The following B3GALT1 variants were observed in gnomAD, a reference collection of about 807,000 sequenced individuals.
B3GALT1 encodes UDP-Gal:betaGlcNAc beta 1,3-galactosyltransferase, polypeptide 1.
A neutral mutation model predicts 23.2 loss-of-function variants in B3GALT1; 10 were observed. That is an observed-to-expected ratio of 0.43 (90% CI 0.27 to 0.73). B3GALT1 has a LOEUF of 0.73. Ranked by LOEUF, B3GALT1 falls within the 30% of genes least tolerant of loss-of-function variation. B3GALT1 has a pLI of 0.21. For missense variants in B3GALT1, 299 were observed against 405.4 expected (o/e 0.74, Z 2.25); for synonymous variants, 156 against 141.5 (o/e 1.10, Z -0.73).
At position 167,467,831 on chromosome 2, in the gene B3GALT1, TATTC is replaced by T. The variant is rs201530512; in HGVS notation, c.-510-22332_-510-22329del. The stretch of plus-strand genomic sequence containing the variant: ...AGATTAATGTATTCATTGATTCATT[TATTC>T]ATTCATTCATTCAAAAATATATATT... On this transcript the variant is annotated intron_variant, in intron 1 of 4. Coordinates refer to ENST00000392690, the MANE Select transcript of B3GALT1 (RefSeq NM_020981.4). 3.6e-3 allele frequency among the ~76,000 whole-genome samples: 556 copies of T among 152,338 alleles called. 5 individuals are homozygous for T. Among genetic ancestry groups the T allele is most frequent in the South Asian group, 0.014 (68 of 4,830 alleles).
chr2:167,648,577 A>G (rs1685797903), intron 3 of B3GALT1, among the ~76,000 whole-genome samples: 1 of 152,144 alleles, frequency 6.6e-6, no homozygotes, highest in Admixed American at 6.6e-5. Flanking sequence ...TCTTGTGTTC[A>G]GATAAAATTA....
chr2:167,593,546 T>A (rs1684720355), intron 2 of B3GALT1, among the ~76,000 whole-genome samples: 1 of 152,210 alleles, frequency 6.6e-6, no homozygotes, highest in Non-Finnish European at 1.5e-5. Context: ...GTCAAATGAT[T>A]TCAGTTTTAT....
At chr2:167,501,137 T>C (rs1032439944) in intron 2 of B3GALT1, among the ~76,000 whole-genome samples, 2 of 152,072 alleles carry the variant, frequency 1.3e-5, no homozygotes, top group African/African-American at 4.8e-5. Flanking sequence ...TAACTAACCG[T>C]ATAAGATGTT....
chr2:167,357,798 T>G (rs1046793315), intron 1 of B3GALT1, among the ~76,000 whole-genome samples: 1 of 152,184 alleles, frequency 6.6e-6, no homozygotes, highest in African/African-American at 2.4e-5. Context: ...TTGGACACAG[T>G]TCATAGCTTT....
At chr2:167,401,493 A>G (rs1440914497) in intron 1 of B3GALT1, among the ~76,000 whole-genome samples, 1 of 152,004 alleles carries the variant, frequency 6.6e-6, no homozygotes. Context: ...CCTACAGTGT[A>G]ATATACAGGC....
At chr2:167,851,864 G>C (rs151001357) in intron 4 of B3GALT1, among the ~76,000 whole-genome samples, 1 of 152,140 alleles carries the variant, frequency 6.6e-6, no homozygotes, top group Non-Finnish European at 1.5e-5. Flanking sequence ...GGGGAGACAC[G>C]GAGCACATTA....
intron 1 of B3GALT1, among the ~76,000 whole-genome samples, chr2:167,447,705 T>C (rs1699022314): frequency 6.6e-6 from 1 of 152,072 alleles, no homozygotes. Flanking sequence ...GCTAAGACCA[T>C]TGGAAAAGCA....
intron 3 of B3GALT1, among the ~76,000 whole-genome samples, chr2:167,752,570 C>T (rs891276091): frequency 1.4e-5 from 2 of 144,906 alleles, no homozygotes; most frequent in African/African-American, 5.1e-5. Flanking sequence ...ATAATAGCAT[C>T]CTCCCCCCCG....
At chr2:167,453,939 CT>C (rs1278043452) in intron 1 of B3GALT1, among the ~76,000 whole-genome samples, 7 of 152,242 alleles carry the variant, frequency 4.6e-5, no homozygotes, top group African/African-American at 1.7e-4. Context: ...AGCTTGGCTT[CT>C]ACTTGTTTGG....
At chr2:167,636,342 G>A (rs1416506615) in intron 2 of B3GALT1, among the ~76,000 whole-genome samples, 2 of 151,636 alleles carry the variant, frequency 1.3e-5, no homozygotes, top group African/African-American at 2.4e-5. Context: ...CTGAAGATAT[G>A]CTCTGTAAGA....
intron 1 of B3GALT1, among the ~76,000 whole-genome samples, chr2:167,400,841 A>C (rs1698177029): frequency 6.6e-6 from 1 of 152,122 alleles, no homozygotes; most frequent in Non-Finnish European, 1.5e-5. Flanking sequence ...ATGTATCCCA[A>C]AAGACTGCAT....
At chr2:167,340,000 A>G (rs1306030084) in intron 1 of B3GALT1, among the ~76,000 whole-genome samples, 1 of 152,206 alleles carries the variant, frequency 6.6e-6, no homozygotes, top group African/African-American at 2.4e-5. Flanking sequence ...TTTCAAATGC[A>G]TGTACATTTT....
intron 1 of B3GALT1, among the ~76,000 whole-genome samples, chr2:167,460,494 C>T (rs1270553254): frequency 1.3e-5 from 2 of 152,004 alleles, no homozygotes; most frequent in Non-Finnish European, 2.9e-5. Flanking sequence ...ATTTCATTTT[C>T]TTCATACATG....
At chr2:167,703,974 G>T (rs1361570558) in intron 3 of B3GALT1, among the ~76,000 whole-genome samples, 1 of 151,976 alleles carries the variant, frequency 6.6e-6, no homozygotes, top group African/African-American at 2.4e-5. Flanking sequence ...GAGGTCAGGA[G>T]ATCAAGACCT....
At chr2:167,462,950 G>A (rs993600337) in intron 1 of B3GALT1, among the ~76,000 whole-genome samples, 2 of 152,058 alleles carry the variant, frequency 1.3e-5, no homozygotes, top group Non-Finnish European at 2.9e-5. Context: ...TTGTTCTGTG[G>A]CACTTTTCCT....
intron 4 of B3GALT1, among the ~76,000 whole-genome samples, chr2:167,845,520 G>A (rs755644007): frequency 3.3e-5 from 5 of 152,140 alleles, no homozygotes; most frequent in Non-Finnish European, 7.3e-5. Context: ...ATTTTGGCTT[G>A]CAGGAAGCCA....
At chr2:167,547,310 A>C (rs963767802) in intron 2 of B3GALT1, among the ~76,000 whole-genome samples, 4 of 152,214 alleles carry the variant, frequency 2.6e-5, no homozygotes, top group Non-Finnish European at 5.9e-5. Context: ...AGTGGGAAGC[A>C]GAAAGATTTT....
intron 3 of B3GALT1, among the ~76,000 whole-genome samples, chr2:167,694,348 A>T (rs1302039226): frequency 1.3e-5 from 2 of 152,154 alleles, no homozygotes; most frequent in Non-Finnish European, 2.9e-5. Context: ...ATCATTTAAA[A>T]TTTTGTTGTT....
chr2:167,512,635 TACATATATATA>T (rs1700040868), intron 2 of B3GALT1, among the ~76,000 whole-genome samples: 2 of 88,950 alleles, frequency 2.2e-5, no homozygotes, highest in Non-Finnish European at 4.3e-5. Context: ...TATATATATA[TACATATATATA>T]TATATTTTGA....
Sources: allele counts gnomAD v4.1 joint callset (sites outside exome capture counted in the v4.1 genomes callset), GRCh38; gene constraint gnomAD v4.1.1; transcripts MANE v1.5; gene names NCBI Gene and HGNC (gene_info 2026-07-23, HGNC 2026-07-21).